The following RAB3C variants were observed in gnomAD, a reference collection of about 807,000 sequenced individuals.
RAB3C encodes ras-related protein Rab-3C.
In RAB3C, 17 loss-of-function variants were observed where a neutral mutation model predicts 26.4. That is an observed-to-expected ratio of 0.64 (90% confidence interval 0.44 to 0.97). The LOEUF (loss-of-function observed/expected upper bound fraction) is 0.97. RAB3C is among the 50% of genes least tolerant of loss of function. The probability of loss-of-function intolerance (pLI) is 0.00; values close to 1 mark genes in which losing one functional copy is unlikely to be tolerated. For synonymous variants in RAB3C, 91 were observed against 95.9 expected, an observed-to-expected ratio of 0.95 and a Z score of 0.30; for missense variants, 242 against 281.9, an observed-to-expected ratio of 0.86 and a Z score of 1.01.
At chr5:58,605,782 G>T (rs1309448003) in intron 1 of RAB3C, among the ~76,000 whole-genome samples, 2 of 152,130 alleles carry the variant, frequency 1.3e-5, no homozygotes, top group African/African-American at 4.8e-5. Flanking sequence ...CCAAGCGCTT[G>T]TAATCCCTGC....
At chr5:58,764,853 A>G (rs996938284) in intron 3 of RAB3C, among the ~76,000 whole-genome samples, 11 of 152,214 alleles carry the variant, frequency 7.2e-5, no homozygotes, top group African/African-American at 2.7e-4. Context: ...GGTTACATCA[A>G]TGATCTTTAT....
chr5:58,810,151 C>T (rs1743036026), intron 3 of RAB3C, among the ~76,000 whole-genome samples: 1 of 152,180 alleles, frequency 6.6e-6, no homozygotes, highest in African/African-American at 2.4e-5. Context: ...CACCCCTCCT[C>T]CTTCAGTCCA....
At chr5:58,850,159 A>G (rs926384029) in intron 4 of RAB3C, among the ~76,000 whole-genome samples, 11 of 152,198 alleles carry the variant, frequency 7.2e-5, no homozygotes, top group Non-Finnish European at 1.5e-4. Context: ...GAATGCAAAC[A>G]ATAGAGTGAT....
intron 3 of RAB3C, among the ~76,000 whole-genome samples, chr5:58,769,310 T>A (rs1416475843): frequency 6.6e-6 from 1 of 152,032 alleles, no homozygotes; most frequent in Non-Finnish European, 1.5e-5. Context: ...AGTATGTAGT[T>A]CAGGAAAGAG....
chr5:58,757,556 G>C (rs1269211836), intron 3 of RAB3C, among the ~76,000 whole-genome samples: 1 of 152,232 alleles, frequency 6.6e-6, no homozygotes, highest in African/African-American at 2.4e-5. Context: ...TTGCATAGGA[G>C]ATGTTGTGTC....
At chr5:58,669,361 CAA>C (rs1748066977) in intron 2 of RAB3C, among the ~76,000 whole-genome samples, 1 of 152,114 alleles carries the variant, frequency 6.6e-6, no homozygotes, top group African/African-American at 2.4e-5. Context: ...ACCTCATGTT[CAA>C]AGAGCCTGCT....
At chr5:58,806,847 T>G (rs1024297182) in intron 3 of RAB3C, among the ~76,000 whole-genome samples, 8 of 152,166 alleles carry the variant, frequency 5.3e-5, no homozygotes, top group African/African-American at 1.9e-4. Context: ...TACTGGTACC[T>G]TTAGCCTACA....
intron 2 of RAB3C, among the ~76,000 whole-genome samples, chr5:58,683,103 G>T (rs190757941): frequency 6.6e-6 from 1 of 152,234 alleles, no homozygotes; most frequent in East Asian, 1.9e-4. Context: ...TCTGTTCTCA[G>T]GGCTAGGAAT....
At chr5:58,737,718 A>G (rs545498405) in intron 3 of RAB3C, among the ~76,000 whole-genome samples, 12 of 147,688 alleles carry the variant, frequency 8.1e-5, no homozygotes, top group Non-Finnish European at 1.7e-4. Flanking sequence ...TTCTACAACA[A>G]CAACAAAAAA....
intron 2 of RAB3C, among the ~76,000 whole-genome samples, chr5:58,693,336 G>GTGTGTATATATATATATATATATATATA (rs1554048065): frequency 1.8e-5 from 2 of 111,744 alleles, no homozygotes; most frequent in African/African-American, 7.5e-5. Context: ...ATATATATGT[G>GTGTGTATATATATATATATATATATATA]TATATATATA....
chr5:58,619,051 C>A (rs430261), intron 2 of RAB3C, among the ~76,000 whole-genome samples: 37,859 of 152,064 alleles, frequency 0.25, 4,975 homozygotes, highest in Admixed American at 0.31. Flanking sequence ...ATGACCTTTA[C>A]ACATCCTAAA....
intron 2 of RAB3C, among the ~76,000 whole-genome samples, chr5:58,685,677 A>T (rs925287292): frequency 6.6e-6 from 1 of 152,194 alleles, no homozygotes; most frequent in African/African-American, 2.4e-5. Context: ...TTGATCATTC[A>T]TTCATTTAGT....
chr5:58,582,913 A>G, upstream of RAB3C: 1 of 577,392 alleles, frequency 1.7e-6, no homozygotes, highest in Non-Finnish European at 2.7e-6. Flanking sequence ...GCCGAGCCCG[A>G]CTGGCGGATC....
chr5:58,794,527 AC>A (rs1189728317), intron 3 of RAB3C: 13 of 152,128 alleles, frequency 8.5e-5, no homozygotes, highest in African/African-American at 1.4e-4. Context: ...AAAAAAAAAA[AC>A]ATTCTTCTGT....
intron 3 of RAB3C, among the ~76,000 whole-genome samples, chr5:58,807,239 C>A (rs948677759): frequency 1.3e-5 from 2 of 152,178 alleles, no homozygotes; most frequent in African/African-American, 4.8e-5. Flanking sequence ...CCTGGATGGT[C>A]TCTGCAGATG....
intron 2 of RAB3C, among the ~76,000 whole-genome samples, chr5:58,622,422 A>G (rs181062316): frequency 6.6e-6 from 1 of 152,276 alleles, no homozygotes; most frequent in Admixed American, 6.5e-5. Flanking sequence ...TCAGAATACA[A>G]AAAATAAAAA....
At chr5:58,843,504 C>T (rs908798895) in intron 4 of RAB3C, among the ~76,000 whole-genome samples, 2 of 152,192 alleles carry the variant, frequency 1.3e-5, no homozygotes, top group Non-Finnish European at 2.9e-5. Flanking sequence ...TTTTAAAACA[C>T]TTAGCACTCT....
At chr5:58,714,307 T>C (rs1487747586) in intron 2 of RAB3C, among the ~76,000 whole-genome samples, 2 of 152,120 alleles carry the variant, frequency 1.3e-5, no homozygotes, top group Non-Finnish European at 2.9e-5. Context: ...AACTAAAGCC[T>C]GAAGACAATG....
chr5:58,739,352 A>T (rs964377015), intron 3 of RAB3C, among the ~76,000 whole-genome samples: 5 of 152,088 alleles, frequency 3.3e-5, no homozygotes, highest in Admixed American at 3.3e-4. Context: ...CTCTCTATGT[A>T]TTTTCAAGTC....
Sources: allele counts gnomAD v4.1 joint callset (sites outside exome capture counted in the v4.1 genomes callset), GRCh38; gene constraint gnomAD v4.1.1; transcripts MANE v1.5; gene names NCBI Gene and HGNC (gene_info 2026-07-23, HGNC 2026-07-21).